The following ZP3 variants were observed in gnomAD, a reference collection of about 807,000 sequenced individuals.
The protein encoded by ZP3 is zona pellucida sperm-binding protein 3.
In ZP3, 21 loss-of-function variants were observed where a neutral mutation model predicts 35.6. The ratio of observed to expected loss-of-function variants is 0.59; its 90% CI spans 0.42 to 0.85. The LOEUF is 0.85. ZP3 is among the 40% of genes least tolerant of loss of function. The pLI is 0.00. For synonymous variants in ZP3, 207 were observed against 214.5 expected (o/e 0.96, Z 0.31); for missense variants, 437 against 536.5 (o/e 0.81, Z 1.83).
chr7:76,409,001 C>T (rs1351320494), intron 1 of ZP3, among the ~76,000 whole-genome samples: 1 of 152,178 alleles, frequency 6.6e-6, no homozygotes, highest in Non-Finnish European at 1.5e-5. Context: ...TACCCCTTAT[C>T]ATTTTTGCCA....
chr7:76,435,823 G>A (rs1805981521), intron 5 of ZP3, among the ~76,000 whole-genome samples: 1 of 147,098 alleles, frequency 6.8e-6, no homozygotes, highest in African/African-American at 2.7e-5. Flanking sequence ...CTGCCTCCGG[G>A]TGCAAGCAAT....
intron 1 of ZP3, chr7:76,404,641 A>G (rs1804941656): frequency 1.5e-6 from 1 of 675,888 alleles, no homozygotes; most frequent in African/African-American, 1.8e-5. Flanking sequence ...AAAAGTTTTT[A>G]AAAATGAGGC....
chr7:76,399,800 T>C (rs914559089), intron 1 of ZP3, among the ~76,000 whole-genome samples: 2 of 152,086 alleles, frequency 1.3e-5, no homozygotes, highest in African/African-American at 4.8e-5. Flanking sequence ...CTGGAGTTAC[T>C]GGCATAAACC....
In ZP3 at chr7:76,434,580, G is replaced by A. The variant is rs565322049; in HGVS notation, c.831+425G>A. The stretch of plus-strand genomic sequence containing the variant: ...TTGAACCTGGGAGGCAGAGGTTGCA[G>A]TGAGCAGAGATTGTGCCACTGCACC... On this transcript the variant is annotated intron_variant, in intron 5 of 7. Transcript: ENST00000394857. Among the ~76,000 whole-genome samples the A allele has an allele frequency of 6.6e-3, 899 of 136,456 alleles. 1 individual carries two copies. Among genetic ancestry groups the A allele is most frequent in the South Asian group, 0.025 (93 of 3,778 alleles). 89.5% of individuals were successfully genotyped at this position (136,456 alleles called of 152,430 possible). A position where few individuals can be genotyped will look rare whatever the true frequency, so the allele number is the denominator to read the frequency against.
Position 76,425,088 on chromosome 7 carries a change from G to A in ZP3, c.124G>A (p.Val42Ile), listed in dbSNP as rs552362407. Residue 42 changes from valine to isoleucine, a missense_variant, in exon 1 of 8, where the codon GTA becomes ATA. Val to Ile is a conservative substitution (Grantham distance 29). Coordinates refer to ENST00000394857, the MANE Select transcript of ZP3 (RefSeq NM_001110354.2). The stretch of plus-strand genomic sequence containing the variant: ...CCATCCTGAGACGTCCGTACAGCCC[G>A]TACTGGTGGAGTGTCAGGAGGCCAC... ...ASHPETSVQP[V>I]LVECQEATLM... 1.3e-4 allele frequency: 217 copies of A among 1,613,758 alleles called. No individual in the cohort carries two copies. The South Asian group carries it at 1.7e-3, about 12-fold the overall frequency.
rs1333316959 is a variant in ZP3, at chr7:76,425,123, C to G, written c.159C>G (p.Val53=). ...LVECQEATLM[V]MVSKDLFGTG... is the part of the protein sequence containing the mutation. ...AGTGTCAGGAGGCCACTCTGATGGT[C>G]ATGGTCAGCAAAGACCTTTTTGGCA... Residue 53 remains valine, a synonymous_variant, in exon 1 of 8, where the codon GTC becomes GTG. Transcript: ENST00000394857. 1 of 1,613,966 alleles carries G rather than the reference C, an allele frequency of 6.2e-7. No homozygotes were observed. The highest frequency in any genetic ancestry group is 8.5e-7 in the Non-Finnish European group (1 of 1,180,024).
rs1016776795 is a variant in ZP3, at chr7:76,433,110, T to C, written c.535+80T>C. 4 of 1,313,248 alleles carry C rather than the reference T, an allele frequency of 3.0e-6. No homozygotes were observed. The Admixed American group carries it at 9.1e-5, about 30-fold the overall frequency. The allele number at this position is 1,313,248 out of a possible 1,614,324, so 81.3% of individuals were successfully genotyped here. A position where few individuals can be genotyped will look rare whatever the true frequency, so the allele number is the denominator to read the frequency against. ...CCCCTGCCCTTGGCTGTGTCTTTTT[T>C]TTGTTTGTTTGGTTTTGGTTTTGGT... On this transcript the variant is annotated intron_variant, in intron 3 of 7. Coordinates refer to ENST00000394857, the MANE Select transcript of ZP3 (RefSeq NM_001110354.2).
chr7:76,416,913 T>C (rs1478958032), intron 1 of ZP3, among the ~76,000 whole-genome samples: 14 of 135,380 alleles, frequency 1.0e-4, no homozygotes, highest in Admixed American at 2.4e-4. Flanking sequence ...TATGTATACA[T>C]ACATATATAT....
chr7:76,436,304 C>T (rs1463626372), intron 5 of ZP3, among the ~76,000 whole-genome samples: 6 of 152,088 alleles, frequency 3.9e-5, no homozygotes, highest in African/African-American at 1.4e-4. Context: ...GCCTTGGCCT[C>T]CCAAAGTGCT....
At chr7:76,427,101 C>T (rs1805687987) in intron 1 of ZP3, among the ~76,000 whole-genome samples, 1 of 152,016 alleles carries the variant, frequency 6.6e-6, no homozygotes, top group Non-Finnish European at 1.5e-5. Context: ...GTCCAGGCTG[C>T]TAAAATAGAA....
intron 1 of ZP3, among the ~76,000 whole-genome samples, chr7:76,407,890 T>C (rs895445637): frequency 6.6e-6 from 1 of 152,078 alleles, no homozygotes; most frequent in African/African-American, 2.4e-5. Context: ...GACTGGTTGG[T>C]TGGGGAGAGA....
chr7:76,401,062 G>A (rs1396681956), intron 1 of ZP3: 15 of 1,540,900 alleles, frequency 9.7e-6, no homozygotes, highest in Middle Eastern at 1.7e-4. Context: ...GAGTGAGGAA[G>A]AGCATTGGCC....
At chr7:76,439,879 ACT>A (rs1401634040) in intron 5 of ZP3, 3 of 229,456 alleles carry the variant, frequency 1.3e-5, no homozygotes, top group Non-Finnish European at 2.6e-5. Context: ...AGACAGTCTC[ACT>A]CTGTCAGCCA....
chr7:76,400,871 A>C (rs1804801500), intron 1 of ZP3: 1 of 1,250,920 alleles, frequency 8.0e-7, no homozygotes. Context: ...GAAAATGGGG[A>C]GACTACAGCT....
intron 1 of ZP3, among the ~76,000 whole-genome samples, chr7:76,407,457 G>A (rs934613611): frequency 1.3e-5 from 2 of 152,024 alleles, no homozygotes; most frequent in African/African-American, 2.4e-5. Flanking sequence ...CCAGCCTCCT[G>A]AGTAGCTGGG....
At chr7:76,416,970 AT>A (rs1563692992) in intron 1 of ZP3, among the ~76,000 whole-genome samples, 30,145 of 128,180 alleles carry the variant, frequency 0.24, 4,032 homozygotes, top group Non-Finnish European at 0.3. Flanking sequence ...ATATATATAT[AT>A]ATAATTTGGC....
intron 5 of ZP3, among the ~76,000 whole-genome samples, chr7:76,437,365 G>A (rs550182599): frequency 6.6e-6 from 1 of 152,186 alleles, no homozygotes; most frequent in African/African-American, 2.4e-5. Flanking sequence ...TAGTAGAGAT[G>A]GGGTTTCACT....
chr7:76,435,068 C>T (rs1805950628), intron 5 of ZP3, among the ~76,000 whole-genome samples: 1 of 152,220 alleles, frequency 6.6e-6, no homozygotes, highest in African/African-American at 2.4e-5. Flanking sequence ...AGTAAATTGC[C>T]TGGTGCGGTG....
At chr7:76,398,351 C>A (rs1268223419) in intron 1 of ZP3, among the ~76,000 whole-genome samples, 1 of 150,846 alleles carries the variant, frequency 6.6e-6, no homozygotes, top group Non-Finnish European at 1.5e-5. Flanking sequence ...ACTGTGTCCC[C>A]CAGGCTAGAG....
Sources: gnomAD v4.1 joint callset for allele counts (sites outside exome capture counted in the v4.1 genomes callset) on GRCh38, gnomAD v4.1.1 for gene constraint, MANE v1.5 for transcripts, NCBI Gene and HGNC (gene_info 2026-07-23, HGNC 2026-07-21) for gene names.